NDEL1: variants seen among roughly 807,000 people sequenced by gnomAD.
NDEL1 encodes the protein nuclear distribution protein nudE-like 1.
Under a neutral mutation model 45.7 loss-of-function variants are expected in NDEL1, and 9 were observed. That is an observed-to-expected ratio of 0.20 (90% CI 0.12 to 0.34). The LOEUF is 0.34. NDEL1 is among the 10% of genes least tolerant of loss of function. The pLI is 1.00. For missense variants in NDEL1, 306 were observed against 406.2 expected (o/e 0.75, Z 2.12); for synonymous variants, 133 against 158.6 (o/e 0.84, Z 1.21).
At chr17:8,458,084 A>G (rs1910963586) in intron 7 of NDEL1, among the ~76,000 whole-genome samples, 3 of 152,066 alleles carry the variant, frequency 2.0e-5, no homozygotes, top group Non-Finnish European at 1.5e-5. Flanking sequence ...TTATGCCGCT[A>G]AAACTGCTCA....
intron 8 of NDEL1, chr17:8,464,316 C>A (rs1911434511): frequency 6.6e-6 from 1 of 152,254 alleles, no homozygotes; most frequent in Admixed American, 6.5e-5. Context: ...TTCCTTCAGT[C>A]CTGTCTTGTG....
Position 8,445,814 on chromosome 17 carries a change from G to T in NDEL1, c.190G>T (p.Asp64Tyr). 1 of 1,576,950 alleles carries T rather than the reference G, an allele frequency of 6.3e-7. No individual in the cohort carries two copies. Among genetic ancestry groups the T allele is most frequent in the Non-Finnish European group, 8.6e-7 (1 of 1,166,278 alleles). Residue 64 changes from aspartate to tyrosine, a missense_variant, in exon 3 of 9, where the codon GAC becomes TAC. Asp to Tyr is a radical substitution (Grantham distance 160). This residue lies in a region of NDEL1 where 112 missense variants were observed against 148.3 expected (regional missense o/e 0.76). Transcript: ENST00000334527. The part of the protein sequence containing the change: ...QLVQAEQRNR[D>Y]LQADNQRLKY... The stretch of plus-strand genomic sequence containing the variant: ...AGTACAGGCTGAACAAAGAAATAGA[G>T]ACTTGCAGGCTGATAACCAAAGACT...
chr17:8,424,285 C>A (rs1190633039), intron 1 of NDEL1, among the ~76,000 whole-genome samples: 1 of 152,160 alleles, frequency 6.6e-6, no homozygotes, highest in African/African-American at 2.4e-5. Context: ...AACGTTGTTA[C>A]CATTTGGTTA....
At chr17:8,470,692 G>A (rs1379689277), downstream of NDEL1, among the ~76,000 whole-genome samples, 1 of 152,240 alleles carries the variant, frequency 6.6e-6, no homozygotes, top group East Asian at 1.9e-4. The surrounding 1 kb of genome is among the most constrained non-coding windows in gnomAD (Gnocchi z 4.2). Context: ...CACGAGCCCA[G>A]TCTTTTTCTG....
intron 1 of NDEL1, among the ~76,000 whole-genome samples, chr17:8,422,666 C>T (rs913247915): frequency 3.3e-5 from 5 of 152,222 alleles, no homozygotes; most frequent in African/African-American, 7.2e-5. Flanking sequence ...GAAGAAGTCC[C>T]GTCGCCTAAT....
chr17:8,432,353 A>ATATATATATTAT (rs1567722399), upstream of NDEL1, among the ~76,000 whole-genome samples: 6 of 5,890 alleles, frequency 1.0e-3, no homozygotes, highest in East Asian at 0.018. Context: ...TATAAATATA[A>ATATATATATTAT]ATATAAATAT....
intron 8 of NDEL1, chr17:8,464,794 C>T (rs577386446): frequency 6.6e-6 from 1 of 152,624 alleles, no homozygotes; most frequent in African/African-American, 2.4e-5. Flanking sequence ...CCGACTTCCC[C>T]ATCAGTGGCT....
At chr17:8,445,243 T>C (rs1481673292) in intron 2 of NDEL1, among the ~76,000 whole-genome samples, 1 of 152,096 alleles carries the variant, frequency 6.6e-6, no homozygotes, top group African/African-American at 2.4e-5. Flanking sequence ...TATTAATGCA[T>C]TAAATAAAAA....
upstream of NDEL1, among the ~76,000 whole-genome samples, chr17:8,434,201 G>GC: frequency 6.6e-6 from 1 of 152,308 alleles, no homozygotes; most frequent in South Asian, 2.1e-4. Context: ...TGGGAAGATT[G>GC]CCTGAAGTCA....
downstream of NDEL1, among the ~76,000 whole-genome samples, chr17:8,470,747 G>A (rs567745034): frequency 1.3e-5 from 2 of 152,186 alleles, no homozygotes; most frequent in Non-Finnish European, 2.9e-5. The surrounding 1 kb of genome is among the most constrained non-coding windows in gnomAD (Gnocchi z 4.2). Flanking sequence ...TGACTCCCAC[G>A]CTCTGTCCTG....
At chr17:8,433,228 C>T (rs886416662), upstream of NDEL1, among the ~76,000 whole-genome samples, 1 of 152,140 alleles carries the variant, frequency 6.6e-6, no homozygotes, top group African/African-American at 2.4e-5. Context: ...AAAGTTAGCT[C>T]AACTTTAATT....
At chr17:8,435,600 C>A (rs936567540), upstream of NDEL1, among the ~76,000 whole-genome samples, 1 of 152,228 alleles carries the variant, frequency 6.6e-6, no homozygotes, top group Non-Finnish European at 1.5e-5. Context: ...CCTTGGTGGC[C>A]AGAAAACTGA....
chr17:8,428,874 C>A (rs138733531), intron 1 of NDEL1, among the ~76,000 whole-genome samples: 2 of 151,844 alleles, frequency 1.3e-5, no homozygotes, highest in Non-Finnish European at 2.9e-5. Context: ...GGGGTTTCAC[C>A]GTGTTAGCCA....
intron 7 of NDEL1, among the ~76,000 whole-genome samples, chr17:8,455,478 A>G (rs1353971279): frequency 6.6e-6 from 1 of 152,168 alleles, no homozygotes; most frequent in African/African-American, 2.4e-5. Flanking sequence ...ACCTGAGGTC[A>G]GGAGTTCAAG....
chr17:8,458,048 A>G (rs1339020917), intron 7 of NDEL1, among the ~76,000 whole-genome samples: 1 of 152,104 alleles, frequency 6.6e-6, no homozygotes, highest in Non-Finnish European at 1.5e-5. Context: ...CGCCCCAGAC[A>G]CTTTAGCCTG....
chr17:8,471,087 G>T (rs1245271495), downstream of NDEL1, among the ~76,000 whole-genome samples: 2 of 152,198 alleles, frequency 1.3e-5, no homozygotes, highest in Non-Finnish European at 2.9e-5. Context: ...TTCCTGAAAA[G>T]CAGATTCCAG....
intron 1 of NDEL1, among the ~76,000 whole-genome samples, chr17:8,428,564 C>T (rs1447232690): frequency 1.3e-5 from 2 of 151,466 alleles, no homozygotes; most frequent in African/African-American, 4.9e-5. Context: ...GGGGTTTCAC[C>T]ATACTGGCCA....
At chr17:8,445,396 T>G (rs1209334832) in intron 2 of NDEL1, among the ~76,000 whole-genome samples, 1 of 152,214 alleles carries the variant, frequency 6.6e-6, no homozygotes, top group African/African-American at 2.4e-5. Flanking sequence ...AATGCCAAAT[T>G]TGTTACTTTA....
chr17:8,451,392 TCATA>T (rs1178304110), intron 6 of NDEL1, among the ~76,000 whole-genome samples: 2 of 152,190 alleles, frequency 1.3e-5, no homozygotes, highest in Non-Finnish European at 2.9e-5. Flanking sequence ...AATTTGGGGA[TCATA>T]TTTAAACACA....
Sources: allele counts gnomAD v4.1 joint callset (sites outside exome capture counted in the v4.1 genomes callset), GRCh38; gene constraint gnomAD v4.1.1; regional missense constraint gnomAD v4.1.1; non-coding constraint Gnocchi (gnomAD v3.1); transcripts MANE v1.5; gene names NCBI Gene and HGNC (gene_info 2026-07-23, HGNC 2026-07-21).